CFAP299: variants seen among roughly 807,000 people sequenced by gnomAD.
The protein encoded by CFAP299 is cilia and flagella associated protein 299.
Under a neutral mutation model 27.0 loss-of-function variants are expected in CFAP299, and 21 were observed. The ratio of observed to expected loss-of-function variants is 0.78; its 90% CI spans 0.55 to 1.12. The LOEUF (loss-of-function observed/expected upper bound fraction) is 1.12, where lower values mean the gene tolerates loss of function less well. Among genes scored for constraint, CFAP299 ranks in the 50% most tolerant of loss-of-function variants. CFAP299 has a pLI of 0.00. For synonymous variants in CFAP299, 104 were observed against 98.1 expected (o/e 1.06, Z -0.36); for missense variants, 310 against 276.6 (o/e 1.12, Z -0.86).
chr4:80,505,831 C>T (rs1170669465), intron 2 of CFAP299, among the ~76,000 whole-genome samples: 6 of 151,896 alleles, frequency 4.0e-5, no homozygotes, highest in Admixed American at 3.9e-4. Context: ...GAGTGGTGTG[C>T]ACCTGTAGAC....
intron 5 of CFAP299, among the ~76,000 whole-genome samples, chr4:80,955,353 T>C (rs1000758139): frequency 6.6e-6 from 1 of 152,166 alleles, no homozygotes; most frequent in African/African-American, 2.4e-5. Flanking sequence ...TTCTCATCTG[T>C]AAAAATCTAA....
chr4:80,379,091 C>G (rs1358298319), intron 2 of CFAP299, among the ~76,000 whole-genome samples: 1 of 151,944 alleles, frequency 6.6e-6, no homozygotes, highest in Non-Finnish European at 1.5e-5. Flanking sequence ...TGAGAGAAGG[C>G]TTATAACTAC....
intron 1 of CFAP299, among the ~76,000 whole-genome samples, chr4:80,361,109 G>C (rs1393695101): frequency 2.6e-5 from 4 of 152,130 alleles, no homozygotes; most frequent in African/African-American, 9.7e-5. Context: ...CATCAGTTTA[G>C]GGTATGATAA....
At chr4:80,905,271 A>C (rs902798717) in intron 4 of CFAP299, among the ~76,000 whole-genome samples, 4 of 152,178 alleles carry the variant, frequency 2.6e-5, no homozygotes, top group African/African-American at 9.7e-5. Context: ...CCATCAAGTT[A>C]ATGGTCAATA....
chr4:80,436,978 C>T (rs2110083150), intron 2 of CFAP299, among the ~76,000 whole-genome samples: 1 of 152,190 alleles, frequency 6.6e-6, no homozygotes, highest in African/African-American at 2.4e-5. Flanking sequence ...GAAGGAATTG[C>T]TTTAACAGCT....
At chr4:80,667,611 A>G (rs558706599) in intron 3 of CFAP299, among the ~76,000 whole-genome samples, 5 of 152,154 alleles carry the variant, frequency 3.3e-5, no homozygotes, top group African/African-American at 1.2e-4. Flanking sequence ...TATTTGGCTT[A>G]TATCATGACT....
At chr4:80,364,089 AAC>A (rs56300395) in intron 2 of CFAP299, among the ~76,000 whole-genome samples, 7 of 110,870 alleles carry the variant, frequency 6.3e-5, no homozygotes, top group East Asian at 3.2e-4. Context: ...TCCGTCTCAA[AAC>A]ACACACACAC....
intron 3 of CFAP299, among the ~76,000 whole-genome samples, chr4:80,672,959 GCT>G (rs1741587628): frequency 6.8e-6 from 1 of 146,102 alleles, no homozygotes; most frequent in African/African-American, 2.5e-5. Flanking sequence ...AAAAAAAACA[GCT>G]CCTGGATTCA....
In CFAP299 at chr4:80,573,095, A is replaced by C. The variant is rs75588175; in HGVS notation, c.243-9998A>C. On this transcript the variant is annotated intron_variant, in intron 2 of 5. Transcript: ENST00000358105. ...TAATTTACAGTGCTATCAACAGTGTATCAGGGTTCTCTTTTCTCCACATGG... is the reference window on the plus strand; with the variant it reads ...TAATTTACAGTGCTATCAACAGTGTCTCAGGGTTCTCTTTTCTCCACATGG... 5.3e-4 allele frequency among the ~76,000 whole-genome samples: 81 copies of C among 152,242 alleles called. 1 individual carries two copies. The East Asian group carries it at 0.015, about 28-fold the overall frequency.
rs368200664 is a variant in CFAP299 at position 80,470,390 on chromosome 4, G to A, written c.242+107506G>A. On this transcript the variant is annotated intron_variant, in intron 2 of 5. Transcript: ENST00000358105. ...CTTATGTTGTATATGACTCTACTGGGTTTCAAAATACAGTCTAGGGCAATA... is the reference window on the plus strand; with the variant it reads ...CTTATGTTGTATATGACTCTACTGGATTTCAAAATACAGTCTAGGGCAATA... Among the ~76,000 whole-genome samples the A allele has an allele frequency of 2.0e-5, 3 of 152,060 alleles. No homozygotes were observed. In the East Asian group the frequency reaches 5.8e-4, roughly 29 times the overall value.
chr4:80,469,894 A>G (rs370314781), intron 2 of CFAP299, among the ~76,000 whole-genome samples: 1 of 152,262 alleles, frequency 6.6e-6, no homozygotes. Context: ...TGAGTCCTTA[A>G]AAACAAGCTC....
chr4:80,328,236 AC>A, the CFAP299 span, among the ~76,000 whole-genome samples: 100 of 152,162 alleles, frequency 6.6e-4, 1 homozygote, highest in Non-Finnish European at 1.8e-4. Context: ...TTGAAACAAA[AC>A]ATGGGGTCAA....
intron 2 of CFAP299, among the ~76,000 whole-genome samples, chr4:80,421,488 T>C (rs1038884602): frequency 6.6e-6 from 1 of 152,242 alleles, no homozygotes; most frequent in African/African-American, 2.4e-5. Flanking sequence ...AAGTATTATT[T>C]AGAATTATTT....
At chr4:80,902,580 A>AATATAT (rs372604502) in intron 4 of CFAP299, among the ~76,000 whole-genome samples, 858 of 82,430 alleles carry the variant, frequency 0.01, 10 homozygotes, top group African/African-American at 0.025. Context: ...ATATATATGT[A>AATATAT]ATATATACAC....
intron 2 of CFAP299, among the ~76,000 whole-genome samples, chr4:80,544,688 C>T: frequency 6.6e-6 from 1 of 152,140 alleles, no homozygotes; most frequent in East Asian, 1.9e-4. Context: ...TATATGCACC[C>T]AACATCGGAG....
chr4:80,814,280 A>G (rs1451939587), intron 3 of CFAP299, among the ~76,000 whole-genome samples: 1 of 152,072 alleles, frequency 6.6e-6, no homozygotes, highest in Non-Finnish European at 1.5e-5. Flanking sequence ...CACACATGTT[A>G]CTCAGAAACC....
Position 80,799,470 on chromosome 4 carries a change from A to G in CFAP299, c.334-70523A>G, listed in dbSNP as rs1349924769. On this transcript the variant is annotated intron_variant, in intron 3 of 5. Transcript: ENST00000358105. ...TAAAATATATATAATATATTTTATA[A>G]ATATATATTTATTAAATATATATAA... 6.7e-5 allele frequency among the ~76,000 whole-genome samples: 6 copies of G among 89,500 alleles called. No individual in the cohort carries two copies. In the South Asian group the frequency reaches 1.8e-3, roughly 27 times the overall value. The allele number at this position is 89,500 out of a possible 152,430, so 58.7% of individuals were successfully genotyped here.
chr4:80,793,196 G>C (rs1228992854), intron 3 of CFAP299, among the ~76,000 whole-genome samples: 1 of 151,796 alleles, frequency 6.6e-6, no homozygotes, highest in Non-Finnish European at 1.5e-5. Context: ...GCAAGCTGAG[G>C]AGCAAGGAGA....
At position 80,425,195 on chromosome 4, in the gene CFAP299, AT is replaced by A. The variant is rs532403599; in HGVS notation, c.242+62313del. Among the ~76,000 whole-genome samples the A allele has an allele frequency of 6.7e-3, 1,013 of 152,272 alleles. 10 individuals carry two copies. The highest frequency in any genetic ancestry group is 7.6e-3 in the Non-Finnish European group (520 of 68,024). ...TAGGCCATGAAGGCAGAGGAAATAGATTAACTTAGTATTTCTATTTGTTAAT... is the reference window on the plus strand; with the variant it reads ...TAGGCCATGAAGGCAGAGGAAATAGATAACTTAGTATTTCTATTTGTTAAT... On this transcript the variant is annotated intron_variant, in intron 2 of 5. Transcript: ENST00000358105.
Sources: gnomAD v4.1 joint callset for allele counts (sites outside exome capture counted in the v4.1 genomes callset) on GRCh38, gnomAD v4.1.1 for gene constraint, MANE v1.5 for transcripts, NCBI Gene and HGNC (gene_info 2026-07-23, HGNC 2026-07-21) for gene names.